The following THSD7B variants were observed in gnomAD, a reference collection of about 807,000 sequenced individuals.
THSD7B encodes the protein thrombospondin type-1 domain-containing protein 7B.
A neutral mutation model predicts 213.6 loss-of-function variants in THSD7B; 138 were observed. The observed-to-expected ratio is 0.65, with a 90% confidence interval of 0.56 to 0.74. THSD7B has a LOEUF of 0.74. THSD7B is among the 30% of genes least tolerant of loss of function. THSD7B has a pLI of 0.00. For missense variants in THSD7B, 1,931 were observed against 1,991.5 expected, an observed-to-expected ratio of 0.97 and a Z score of 0.58; for synonymous variants, 742 against 687.0, an observed-to-expected ratio of 1.08 and a Z score of -1.25.
At chr2:136,851,091 A>G (rs912925237) in intron 1 of THSD7B, among the ~76,000 whole-genome samples, 2 of 152,068 alleles carry the variant, frequency 1.3e-5, no homozygotes, top group African/African-American at 4.8e-5. Flanking sequence ...TTTCAAAAAT[A>G]TATTGGTGTG....
intron 12 of THSD7B, among the ~76,000 whole-genome samples, chr2:137,312,343 G>T (rs201657993): frequency 6.6e-6 from 1 of 151,316 alleles, no homozygotes; most frequent in Non-Finnish European, 1.5e-5. Context: ...CTGTGGGATC[G>T]GTGGTGATAT....
At chr2:137,275,312 T>A (rs912239126) in intron 11 of THSD7B, among the ~76,000 whole-genome samples, 7 of 152,086 alleles carry the variant, frequency 4.6e-5, no homozygotes, top group African/African-American at 1.7e-4. Context: ...GTTCTTTTAC[T>A]CTATAACCTA....
intron 26 of THSD7B, among the ~76,000 whole-genome samples, chr2:137,666,531 T>C (rs1382238404): frequency 7.5e-6 from 1 of 133,394 alleles, no homozygotes; most frequent in Non-Finnish European, 1.7e-5. Flanking sequence ...TAGATTTTGA[T>C]TGATTTCCCC....
rs568222415 is a variant in THSD7B at position 137,660,756 on chromosome 2, C to G, written c.4458+1010C>G. Among the ~76,000 whole-genome samples, 12 of 152,214 alleles carry G rather than the reference C, an allele frequency of 7.9e-5. No individual in the cohort carries two copies. The South Asian group carries it at 1.2e-3, about 16-fold the overall frequency. On this transcript the variant is annotated intron_variant, in intron 25 of 27. Coordinates refer to ENST00000409968, the MANE Select transcript of THSD7B (RefSeq NM_001316349.2). ...TATGGCTTCAATAGCTAAGCACATA[C>G]AAATTTGCTTAGATATCTCCACTGT...
chr2:137,035,867 T>C (rs1686764797), intron 2 of THSD7B, among the ~76,000 whole-genome samples: 1 of 152,186 alleles, frequency 6.6e-6, no homozygotes, highest in South Asian at 2.1e-4. Context: ...TTGGGACATA[T>C]AGCTTACATA....
intron 10 of THSD7B, among the ~76,000 whole-genome samples, chr2:137,255,822 G>T (rs1464035446): frequency 6.6e-6 from 1 of 152,086 alleles, no homozygotes; most frequent in Non-Finnish European, 1.5e-5. Context: ...CTCCTGAGTG[G>T]CTGGGACTAC....
At chr2:136,963,120 A>T (rs1685254117) in intron 2 of THSD7B, among the ~76,000 whole-genome samples, 1 of 152,216 alleles carries the variant, frequency 6.6e-6, no homozygotes, top group African/African-American at 2.4e-5. Context: ...TAACAAGGCC[A>T]AATGTATGTA....
At chr2:137,434,246 A>G (rs1275941715) in intron 14 of THSD7B, among the ~76,000 whole-genome samples, 1 of 152,106 alleles carries the variant, frequency 6.6e-6, no homozygotes, top group Admixed American at 6.6e-5. Flanking sequence ...CTTTTTGTCA[A>G]ATTTCTTTCT....
At chr2:137,261,802 A>C (rs929763600) in intron 10 of THSD7B, among the ~76,000 whole-genome samples, 22 of 151,884 alleles carry the variant, frequency 1.4e-4, no homozygotes, top group Non-Finnish European at 1.6e-4. Context: ...CAAAACAAAA[A>C]TTTTAATATG....
rs373825243 is a variant in THSD7B at position 136,922,722 on chromosome 2, T to A, written c.139+40405T>A. Among the ~76,000 whole-genome samples the A allele has an allele frequency of 4.4e-4, 67 of 152,256 alleles. 1 individual carries two copies. The South Asian group carries it at 0.011, about 25-fold the overall frequency. On this transcript the variant is annotated intron_variant, in intron 2 of 27. Coordinates refer to ENST00000409968, the MANE Select transcript of THSD7B (RefSeq NM_001316349.2). ...TTCTCTAAAATAAAACCCCATAAAATAAAATAAAAACCTCTTTTCCATGAC... is the reference window on the plus strand; with the variant it reads ...TTCTCTAAAATAAAACCCCATAAAAAAAAATAAAAACCTCTTTTCCATGAC...
chr2:137,108,869 T>A (rs941488578), intron 4 of THSD7B, among the ~76,000 whole-genome samples: 4 of 151,864 alleles, frequency 2.6e-5, no homozygotes, highest in Non-Finnish European at 5.9e-5. Flanking sequence ...TGAAGAAAAA[T>A]GAAATTTCAC....
chr2:136,786,726 T>C (rs901236700), intron 1 of THSD7B, among the ~76,000 whole-genome samples: 3 of 152,222 alleles, frequency 2.0e-5, no homozygotes, highest in Admixed American at 6.5e-5. Context: ...GGTATTTCCA[T>C]TGTGCAGTTA....
In THSD7B at chr2:137,495,686, A is replaced by G. The variant is rs151128282; in HGVS notation, c.3138+44663A>G. On this transcript the variant is annotated intron_variant, in intron 15 of 27. Coordinates refer to ENST00000409968, the MANE Select transcript of THSD7B (RefSeq NM_001316349.2). ...ATCCAACTGCCTCTCAGCCTCTCCA[A>G]ATTCCCCCTTATCCCATACATTTCT... is the stretch of plus-strand genomic sequence containing the variant. Among the ~76,000 whole-genome samples the G allele has an allele frequency of 2.1e-3, 315 of 152,222 alleles. 2 individuals are homozygous for G. Among genetic ancestry groups the G allele is most frequent in the African/African-American group, 6.9e-3 (285 of 41,534 alleles).
Position 137,488,059 on chromosome 2 carries a change from G to A in THSD7B, c.3138+37036G>A, listed in dbSNP as rs547942328. ...ATTACAGGCGTGAGCCACCGCGCCC[G>A]GCCTATTTTGAGGTTTCTTAAGGTG... On this transcript the variant is annotated intron_variant, in intron 15 of 27. Transcript: ENST00000409968. 3.6e-4 allele frequency among the ~76,000 whole-genome samples: 54 copies of A among 150,496 alleles called. 20 individuals carry two copies. The highest frequency in any genetic ancestry group is 1.0e-3 in the African/African-American group (42 of 41,082).
At chr2:136,844,216 T>A (rs1394602229) in intron 1 of THSD7B, among the ~76,000 whole-genome samples, 1 of 152,016 alleles carries the variant, frequency 6.6e-6, no homozygotes, top group Admixed American at 6.6e-5. Flanking sequence ...TTAACGTAGG[T>A]GTTGGAAGAG....
Position 137,089,612 on chromosome 2 carries a change from G to A in THSD7B, c.951-5261G>A, listed in dbSNP as rs545803649. Among the ~76,000 whole-genome samples the A allele has an allele frequency of 2.6e-5, 4 of 152,068 alleles. 1 individual carries two copies. The South Asian group carries it at 6.2e-4, about 24-fold the overall frequency. The stretch of plus-strand genomic sequence containing the variant: ...CTCATAAGTGGGAGCTAAGTTATGA[G>A]GATGCAAAGGCATAAGAATGACACA... On this transcript the variant is annotated intron_variant, in intron 3 of 27. Coordinates refer to ENST00000409968, the MANE Select transcript of THSD7B (RefSeq NM_001316349.2).
rs1688285534 is a variant in THSD7B at position 137,480,618 on chromosome 2, G to C, written c.3138+29595G>C. On this transcript the variant is annotated intron_variant, in intron 15 of 27. Coordinates refer to ENST00000409968, the MANE Select transcript of THSD7B (RefSeq NM_001316349.2). ...TTCTATCTTTATTGAGAAAAGATGAGATTTTTCACTTTTGATTAAGCTAAA... is the reference window on the plus strand; with the variant it reads ...TTCTATCTTTATTGAGAAAAGATGACATTTTTCACTTTTGATTAAGCTAAA... Among the ~76,000 whole-genome samples the C allele has an allele frequency of 3.9e-5, 6 of 152,254 alleles. No individual in the cohort carries two copies. The South Asian group carries it at 1.2e-3, about 32-fold the overall frequency.
At chr2:137,316,663 C>G (rs941735509) in intron 12 of THSD7B, among the ~76,000 whole-genome samples, 1 of 149,922 alleles carries the variant, frequency 6.7e-6, no homozygotes, top group East Asian at 2.0e-4. Context: ...GAAGCTGAGG[C>G]AGGAGAATGG....
intron 6 of THSD7B, among the ~76,000 whole-genome samples, chr2:137,161,167 T>C (rs1215278084): frequency 6.6e-6 from 1 of 152,186 alleles, no homozygotes; most frequent in Non-Finnish European, 1.5e-5. Flanking sequence ...TAGGCCTCTA[T>C]GGTCTAGTTT....
Sources: allele counts gnomAD v4.1 joint callset (sites outside exome capture counted in the v4.1 genomes callset), GRCh38; gene constraint gnomAD v4.1.1; transcripts MANE v1.5; gene names NCBI Gene and HGNC (gene_info 2026-07-23, HGNC 2026-07-21).